The following DOCK11 variants were observed in gnomAD, a reference collection of about 807,000 sequenced individuals.
The protein encoded by DOCK11 is dedicator of cytokinesis 11, also known as dedicator of cytokinesis protein 11.
In DOCK11, 70 loss-of-function variants were observed where a neutral mutation model predicts 169.1. The ratio of observed to expected loss-of-function variants is 0.41; its 90% confidence interval spans 0.34 to 0.51. DOCK11 has a LOEUF of 0.51. Ranked by LOEUF, DOCK11 falls within the 20% of genes least tolerant of loss-of-function variation. The pLI is 0.10. For missense variants in DOCK11, 1,166 were observed against 1,538.8 expected (o/e 0.76, Z 4.05); for synonymous variants, 529 against 541.3 (o/e 0.98, Z 0.32).
intron 28 of DOCK11, 97 bp downstream of exon 28, chrX:118,610,515 C>A: frequency 1.0e-6 from 1 of 962,643 alleles, no homozygotes; most frequent in Non-Finnish European, 1.4e-6. Context: ...TCAGCTAGGT[C>A]TTCATAAGAC....
chrX:118,616,051 G>A (rs778019219), intron 30 of DOCK11, among the ~76,000 whole-genome samples: 3 of 111,938 alleles, frequency 2.7e-5, no homozygotes, highest in East Asian at 5.6e-4. Flanking sequence ...AAAATGTAAA[G>A]GTAGAGTAAA....
At position 118,566,612 on chromosome X, in the gene DOCK11, A is replaced by G; in HGVS notation, c.910A>G (p.Met304Val). ...TSSQGKAENI[M>V]ASLERSMHPE... ...CAGCCAAGGAAAAGCCGAGAACATC[A>G]TGGCAAGTTTGGAAAGGAGCATGCA... Residue 304 changes from methionine to valine, a missense_variant, in exon 9 of 53, where the codon ATG becomes GTG. Physicochemically the swap from Met to Val is conservative, Grantham distance 21. Coordinates refer to ENST00000276202, the MANE Select transcript of DOCK11 (RefSeq NM_144658.4). 1 of 1,211,685 alleles carries G rather than the reference A, an allele frequency of 8.3e-7. No individual in the cohort carries two copies. The highest frequency in any genetic ancestry group is 1.1e-6 in the Non-Finnish European group (1 of 895,402).
At chrX:118,513,855 G>C (rs1410745225) in intron 1 of DOCK11, among the ~76,000 whole-genome samples, 2 of 111,786 alleles carry the variant, frequency 1.8e-5, no homozygotes, top group Non-Finnish European at 3.8e-5. Flanking sequence ...AGCACCTGGA[G>C]TGGGCCTTAT....
intron 42 of DOCK11, among the ~76,000 whole-genome samples, chrX:118,653,289 C>T (rs1452097523): frequency 1.8e-5 from 2 of 111,570 alleles, no homozygotes; most frequent in Non-Finnish European, 1.9e-5. Context: ...AACCCTATTA[C>T]GAAAAGATAC....
intron 40 of DOCK11, among the ~76,000 whole-genome samples, chrX:118,645,178 G>A (rs1174799916): frequency 9.0e-6 from 1 of 111,360 alleles, no homozygotes; most frequent in Non-Finnish European, 1.9e-5. Flanking sequence ...TGGGACATTA[G>A]GATATATGGA....
At chrX:118,517,075 G>A (rs781210857) in intron 1 of DOCK11, among the ~76,000 whole-genome samples, 2 of 111,652 alleles carry the variant, frequency 1.8e-5, no homozygotes, top group Middle Eastern at 4.6e-3. Flanking sequence ...TATATAATGC[G>A]TATATGTGTG....
chrX:118,572,155 A>G (rs962369030), intron 10 of DOCK11, among the ~76,000 whole-genome samples, 168 bp from the exon 11 acceptor site: 1 of 112,243 alleles, frequency 8.9e-6, no homozygotes, highest in African/African-American at 3.2e-5. Flanking sequence ...ATCACTGTTT[A>G]ACCTTAGTGT....
intron 31 of DOCK11, among the ~76,000 whole-genome samples, chrX:118,622,003 A>G (rs1299961809): frequency 3.6e-5 from 4 of 111,401 alleles, no homozygotes. Context: ...AATATCTAAC[A>G]TTTACCCTGG....
At chrX:118,538,637 C>T (rs112554007) in intron 1 of DOCK11, 62 of 720,426 alleles carry the variant, frequency 8.6e-5, no homozygotes, top group African/African-American at 7.5e-4. Context: ...TAAATGCCTT[C>T]GCCTTTTACT....
intron 1 of DOCK11, among the ~76,000 whole-genome samples, chrX:118,525,006 G>T (rs376732350): frequency 9.9e-5 from 11 of 110,721 alleles, no homozygotes; most frequent in African/African-American, 3.3e-4. Context: ...TTAGCTGGGC[G>T]TGGTGGCGTG....
intron 23 of DOCK11, among the ~76,000 whole-genome samples, chrX:118,603,074 T>C (rs920222710): frequency 4.5e-5 from 5 of 111,789 alleles, no homozygotes; most frequent in Non-Finnish European, 7.5e-5. Flanking sequence ...GGAAGGCCTA[T>C]TGGGGGAAAT....
intron 5 of DOCK11, 80 bp from the exon 6 acceptor site, chrX:118,545,941 T>C (rs1014618185): frequency 4.6e-6 from 3 of 656,927 alleles, no homozygotes; most frequent in Admixed American, 5.0e-5. Context: ...GGGCAGGGCC[T>C]CATTCTGTGC....
At chrX:118,618,398 T>TCTA (rs1432332623) in intron 30 of DOCK11, 152 bp from the exon 31 acceptor site, 1 of 434,438 alleles carries the variant, frequency 2.3e-6, no homozygotes, top group Non-Finnish European at 3.6e-6. Flanking sequence ...GCATGCTTAT[T>TCTA]CTAGATGATA....
chrX:118,632,336 G>T (rs189461642), intron 35 of DOCK11: 1 of 111,999 alleles, frequency 8.9e-6, no homozygotes, highest in Non-Finnish European at 1.9e-5. Flanking sequence ...GCAGTACTCT[G>T]TGCCGAATAT....
intron 6 of DOCK11, among the ~76,000 whole-genome samples, chrX:118,556,759 G>GACA (rs2012711093): frequency 1.2e-5 from 1 of 81,009 alleles, no homozygotes; most frequent in Admixed American, 1.4e-4. Context: ...TCTGTCTCCG[G>GACA]AAAAAAAAAA....
At chrX:118,607,404 C>T (rs1291686951) in intron 24 of DOCK11, among the ~76,000 whole-genome samples, 13 of 97,751 alleles carry the variant, frequency 1.3e-4, no homozygotes, top group South Asian at 5.1e-4. Flanking sequence ...CATGAGCCAC[C>T]GTGCCGGGCC....
Position 118,573,830 on chromosome X carries a change from G to T in DOCK11, c.1201G>T (p.Ala401Ser), listed in dbSNP as rs148678126. 12 of 1,205,962 alleles carry T rather than the reference G, an allele frequency of 1.0e-5. No individual in the cohort carries two copies. The highest frequency in any genetic ancestry group is 1.2e-5 in the Non-Finnish European group (11 of 893,185). The change falls in exon 12 of 53, where the codon GCC becomes TCC. Residue 401 changes from alanine to serine, a missense_variant. Ala to Ser is a moderately conservative substitution (Grantham distance 99, BLOSUM62 1). Transcript: ENST00000276202. ...GGTTGAGCCCTTTTTTATCAATCTT[G>T]CCTTATTTGATGTAAAGAACAATTG... ...TNVEPFFINL[A>S]LFDVKNNCKI...
rs192190705 is a variant in DOCK11 at position 118,610,373 on chromosome X, C to T, written c.3051C>T (p.Pro1017=). 2.8e-5 allele frequency: 34 copies of T among 1,209,096 alleles called. No individual in the cohort carries two copies. The highest frequency in any genetic ancestry group is 1.5e-4 in the East Asian group (5 of 33,745). The change falls in exon 28 of 53, where the codon CCC becomes CCT. Residue 1017 remains proline (P), a synonymous_variant. Transcript: ENST00000276202. The stretch of plus-strand genomic sequence containing the variant: ...TGACTATTCGGTATGCGGAGATTCC[C>T]GATGAGTCCAGAAATGTGAACTATA... ...PHVTIRYAEI[P]DESRNVNYSL... is the part of the protein sequence containing the mutation.
chrX:118,509,089 G>C (rs1165600274), intron 1 of DOCK11, among the ~76,000 whole-genome samples: 1 of 111,294 alleles, frequency 9.0e-6, no homozygotes, highest in South Asian at 3.7e-4. Flanking sequence ...CTGTATCTCT[G>C]TCTGGCCCCC....
Sources: gnomAD v4.1 joint callset for allele counts (sites outside exome capture counted in the v4.1 genomes callset) on GRCh38, gnomAD v4.1.1 for gene constraint, MANE v1.5 for transcripts, NCBI Gene and HGNC (gene_info 2026-07-23, HGNC 2026-07-21) for gene names.